Variants in MALL observed in about 807,000 individuals in gnomAD.
MALL encodes the protein mal, T cell differentiation protein like.
Under a neutral mutation model 10.3 loss-of-function variants are expected in MALL, and 2 were observed. The ratio of observed to expected loss-of-function variants is 0.19; its 90% confidence interval spans 0.08 to 0.61. The LOEUF (loss-of-function observed/expected upper bound fraction) is 0.61, where lower values mean the gene tolerates loss of function less well. Ranked by LOEUF, MALL falls within the 20% of genes least tolerant of loss-of-function variation. The probability of loss-of-function intolerance (pLI) is 0.88; values close to 1 mark genes in which losing one functional copy is unlikely to be tolerated. For missense variants in MALL, 39 were observed against 115.2 expected, an observed-to-expected ratio of 0.34 and a Z score of 3.03; for synonymous variants, 27 against 51.8, an observed-to-expected ratio of 0.52 and a Z score of 2.05.
intron 1 of MALL, among the ~76,000 whole-genome samples, chr2:110,104,502 C>T (rs555956364): frequency 6.6e-6 from 1 of 152,146 alleles, no homozygotes; most frequent in South Asian, 2.1e-4. Flanking sequence ...AGAGTAGGTG[C>T]TCAGCTTGAA....
chr2:110,105,462 G>C (rs1678667204), intron 1 of MALL, among the ~76,000 whole-genome samples: 1 of 152,208 alleles, frequency 6.6e-6, no homozygotes, highest in Admixed American at 6.5e-5. Context: ...CACAGAGGTT[G>C]GTGGCTCCCA....
At chr2:110,096,405 TG>T (rs898610845) in intron 1 of MALL, among the ~76,000 whole-genome samples, 1 of 151,684 alleles carries the variant, frequency 6.6e-6, no homozygotes, top group African/African-American at 2.4e-5. Flanking sequence ...ATAGAAGAGG[TG>T]GGGGTCTCAC....
intron 1 of MALL, among the ~76,000 whole-genome samples, chr2:110,098,227 A>G (rs1678486506): frequency 1.3e-5 from 2 of 151,714 alleles, no homozygotes; most frequent in Admixed American, 1.3e-4. Flanking sequence ...TTAAATACAT[A>G]TAACAAAATC....
At position 110,115,820 on chromosome 2, in the gene MALL, G is replaced by A. The variant is rs572709567; in HGVS notation, c.-28C>T. The A allele has an allele frequency of 1.8e-6, 2 of 1,132,078 alleles. No individual in the cohort carries two copies. The highest frequency in any genetic ancestry group is 1.1e-6 in the Non-Finnish European group (1 of 883,262). The allele number at this position is 1,132,078 out of a possible 1,614,324, so 70.1% of individuals were successfully genotyped here. A position where few individuals can be genotyped will look rare whatever the true frequency, so the allele number is the denominator to read the frequency against. The stretch of plus-strand genomic sequence containing the variant: ...TGTCAGCCCCTGCCGGGTGCTCCGC[G>A]GCAGCTCGCCCGCGCGCAGCCTGTC... On this transcript the variant is annotated 5_prime_UTR_variant, in exon 1 of 4. Transcript: ENST00000272462.
intron 1 of MALL, among the ~76,000 whole-genome samples, chr2:110,114,957 C>G (rs549299285): frequency 3.9e-5 from 6 of 152,074 alleles, no homozygotes; most frequent in Non-Finnish European, 7.4e-5. Flanking sequence ...ACGCTGCATA[C>G]GCACAGCTCT....
intron 1 of MALL, among the ~76,000 whole-genome samples, chr2:110,102,579 C>T (rs1217643364): frequency 2.0e-5 from 3 of 152,216 alleles, no homozygotes; most frequent in Non-Finnish European, 4.4e-5. Flanking sequence ...CTGGGACAGA[C>T]GCCCATGGAA....
intron 1 of MALL, among the ~76,000 whole-genome samples, chr2:110,107,310 T>A (rs1338015473): frequency 6.6e-6 from 1 of 152,054 alleles, no homozygotes; most frequent in South Asian, 2.1e-4. Flanking sequence ...TTCAAACCCA[T>A]CTTGCCCTCC....
intron 1 of MALL, among the ~76,000 whole-genome samples, chr2:110,102,570 T>C (rs939441694): frequency 1.3e-5 from 2 of 152,204 alleles, no homozygotes; most frequent in Non-Finnish European, 2.9e-5. Flanking sequence ...CTCAGATTCC[T>C]GGGACAGACG....
intron 1 of MALL, among the ~76,000 whole-genome samples, chr2:110,114,974 G>A (rs1221964539): frequency 6.6e-6 from 1 of 152,120 alleles, no homozygotes. Flanking sequence ...CTCTGCAGAT[G>A]GGAGCAGGCA....
intron 1 of MALL, among the ~76,000 whole-genome samples, chr2:110,111,490 T>C (rs1394289836): frequency 6.6e-6 from 1 of 151,688 alleles, no homozygotes; most frequent in Non-Finnish European, 1.5e-5. Context: ...AAAATAATAA[T>C]AGTAATAATA....
intron 1 of MALL, among the ~76,000 whole-genome samples, chr2:110,110,635 A>T (rs1299619378): frequency 6.6e-6 from 1 of 152,204 alleles, no homozygotes; most frequent in Non-Finnish European, 1.5e-5. Flanking sequence ...ATTCTACCAG[A>T]CATTCAAAGA....
chr2:110,113,678 G>C (rs1678853007), intron 1 of MALL, among the ~76,000 whole-genome samples: 1 of 152,100 alleles, frequency 6.6e-6, no homozygotes, highest in South Asian at 2.1e-4. Context: ...TAAAGGAGAT[G>C]AAGGAGATAC....
At chr2:110,115,454 C>A (rs574105645) in intron 1 of MALL, among the ~76,000 whole-genome samples, 7 of 106,636 alleles carry the variant, frequency 6.6e-5, no homozygotes, top group African/African-American at 2.8e-4. Flanking sequence ...TGGCAGCCAC[C>A]GCAGCCCCTG....
intron 1 of MALL, among the ~76,000 whole-genome samples, chr2:110,095,813 C>T (rs1342823641): frequency 6.6e-6 from 1 of 151,996 alleles, no homozygotes; most frequent in African/African-American, 2.4e-5. Flanking sequence ...TGTTACCACA[C>T]CAGATAGTGA....
intron 1 of MALL, among the ~76,000 whole-genome samples, chr2:110,095,308 T>A (rs1393988340): frequency 6.6e-6 from 1 of 152,208 alleles, no homozygotes; most frequent in Non-Finnish European, 1.5e-5. Context: ...TTTCAACGGT[T>A]GGGGCTGGCC....
intron 1 of MALL, 143 bp downstream of exon 1, chr2:110,115,545 T>G: frequency 3.7e-6 from 1 of 267,102 alleles, no homozygotes. Flanking sequence ...TCCCCCCCCC[T>G]CTCTGCAGGT....
chr2:110,106,348 C>G (rs1304970701), intron 1 of MALL, among the ~76,000 whole-genome samples: 1 of 152,098 alleles, frequency 6.6e-6, no homozygotes, highest in African/African-American at 2.4e-5. Context: ...CCCCAGCACC[C>G]GCAGACAGCT....
At chr2:110,117,908 T>A (rs1025140662), upstream of MALL, among the ~76,000 whole-genome samples, 11 of 152,082 alleles carry the variant, frequency 7.2e-5, no homozygotes, top group African/African-American at 2.4e-4. Flanking sequence ...ACCAGAAACA[T>A]GGATTCTTTT....
At position 110,111,753 on chromosome 2, in the gene MALL, A is replaced by T. The variant is rs368282093; in HGVS notation, c.105+3935T>A. 6.6e-5 allele frequency among the ~76,000 whole-genome samples: 10 copies of T among 152,250 alleles called. 1 individual carries two copies. In the East Asian group the frequency reaches 1.3e-3, roughly 21 times the overall value. ...AAAAATTCTAAAATTCATATGGAAC[A>T]AAAAAGAGCCCACATAACCAAAGCA... On this transcript the variant is annotated intron_variant, in intron 1 of 3. Transcript: ENST00000272462.
Sources: gnomAD v4.1 joint callset for allele counts (sites outside exome capture counted in the v4.1 genomes callset) on GRCh38, gnomAD v4.1.1 for gene constraint, MANE v1.5 for transcripts, NCBI Gene and HGNC (gene_info 2026-07-23, HGNC 2026-07-21) for gene names.